The following CADM1 variants were observed in gnomAD, a reference collection of about 807,000 sequenced individuals.
CADM1 encodes TSLC-1.
In CADM1, 15 loss-of-function variants were observed where a neutral mutation model predicts 53.1. The observed-to-expected ratio is 0.28, with a 90% CI of 0.19 to 0.44. The LOEUF (loss-of-function observed/expected upper bound fraction) is 0.44, where lower values mean the gene tolerates loss of function less well. Ranked by LOEUF, CADM1 falls within the 20% of genes least tolerant of loss-of-function variation. The pLI, the probability that CADM1 is intolerant of heterozygous loss-of-function variation, is 1.00. For missense variants in CADM1, 434 were observed against 611.3 expected (o/e 0.71, Z 3.06); for synonymous variants, 281 against 243.0 (o/e 1.16, Z -1.45).
At chr11:115,493,540 CA>C (rs1027988828) in intron 1 of CADM1, among the ~76,000 whole-genome samples, 3 of 152,102 alleles carry the variant, frequency 2.0e-5, no homozygotes, top group Non-Finnish European at 4.4e-5. Flanking sequence ...TATGTATACA[CA>C]AGGTTACTTA....
At chr11:115,267,039 A>T (rs895372726) in intron 1 of CADM1, among the ~76,000 whole-genome samples, 9 of 152,186 alleles carry the variant, frequency 5.9e-5, no homozygotes, top group African/African-American at 2.4e-5. Context: ...ACAATTATGC[A>T]CTGCAGCAAT....
At chr11:115,450,527 C>T (rs1428627819) in intron 1 of CADM1, among the ~76,000 whole-genome samples, 1 of 152,230 alleles carries the variant, frequency 6.6e-6, no homozygotes, top group Admixed American at 6.5e-5. Flanking sequence ...ATGCGGAAAG[C>T]AGCCAATTCA....
At chr11:115,482,998 C>A (rs954697014) in intron 1 of CADM1, among the ~76,000 whole-genome samples, 50 of 152,208 alleles carry the variant, frequency 3.3e-4, no homozygotes, top group Non-Finnish European at 7.3e-5. Context: ...TTATTTCATA[C>A]TTTTCCCTCT....
At chr11:115,215,401 T>C (rs1249692161) in intron 6 of CADM1, among the ~76,000 whole-genome samples, 1 of 152,194 alleles carries the variant, frequency 6.6e-6, no homozygotes, top group African/African-American at 2.4e-5. Flanking sequence ...CTGTCTCTGA[T>C]GCCCTAGTCC....
intron 1 of CADM1, among the ~76,000 whole-genome samples, chr11:115,327,230 T>C (rs2135202754): frequency 6.6e-6 from 1 of 152,196 alleles, no homozygotes; most frequent in South Asian, 2.1e-4. Context: ...AGGGGTTAGG[T>C]GACTTACTTG....
At chr11:115,357,959 T>G (rs1339108729) in intron 1 of CADM1, among the ~76,000 whole-genome samples, 1 of 152,166 alleles carries the variant, frequency 6.6e-6, no homozygotes, top group Non-Finnish European at 1.5e-5. Flanking sequence ...GATTATAATG[T>G]GGTAATTGCC....
At chr11:115,485,266 C>A (rs1239661625) in intron 1 of CADM1, among the ~76,000 whole-genome samples, 2 of 152,216 alleles carry the variant, frequency 1.3e-5, no homozygotes, top group African/African-American at 2.4e-5. Context: ...GTTACCAACA[C>A]ACCTTCCTTA....
intron 1 of CADM1, among the ~76,000 whole-genome samples, chr11:115,377,020 A>C (rs1388996303): frequency 6.6e-6 from 1 of 152,228 alleles, no homozygotes; most frequent in African/African-American, 2.4e-5. Context: ...TACAAATGTC[A>C]TGCGCCATGA....
chr11:115,329,815 C>T (rs1261090478), intron 1 of CADM1, among the ~76,000 whole-genome samples: 2 of 151,578 alleles, frequency 1.3e-5, no homozygotes, highest in African/African-American at 4.9e-5. Flanking sequence ...GGATAGGGAG[C>T]CGGAAAGGAG....
intron 1 of CADM1, among the ~76,000 whole-genome samples, chr11:115,263,330 G>T (rs141614033): frequency 2.0e-5 from 3 of 152,222 alleles, no homozygotes; most frequent in African/African-American, 7.2e-5. Flanking sequence ...CAGTATTAAA[G>T]AATTTGTAGA....
intron 1 of CADM1, among the ~76,000 whole-genome samples, chr11:115,358,194 A>G (rs940478979): frequency 1.4e-4 from 19 of 137,622 alleles, no homozygotes; most frequent in Non-Finnish European, 6.8e-5. Context: ...TCAAGCAGTC[A>G]TTGATCCTCC....
intron 1 of CADM1, among the ~76,000 whole-genome samples, chr11:115,241,588 G>C (rs12421121): frequency 0.18 from 27,549 of 152,100 alleles, 2,774 homozygotes; most frequent in South Asian, 0.34. Flanking sequence ...AGGGCTGATG[G>C]GGGGATGAAA....
At chr11:115,299,058 G>T (rs1944152097) in intron 1 of CADM1, among the ~76,000 whole-genome samples, 1 of 152,132 alleles carries the variant, frequency 6.6e-6, no homozygotes, top group Non-Finnish European at 1.5e-5. Context: ...TCTCTTTCAA[G>T]ATATCACTAA....
chr11:115,270,174 CAA>C (rs1401725901), intron 1 of CADM1, among the ~76,000 whole-genome samples: 1 of 152,186 alleles, frequency 6.6e-6, no homozygotes, highest in Non-Finnish European at 1.5e-5. Flanking sequence ...CGCAGACACA[CAA>C]TAACAAAAGC....
chr11:115,237,278 G>T (rs1010646209), intron 3 of CADM1, among the ~76,000 whole-genome samples: 3 of 152,172 alleles, frequency 2.0e-5, no homozygotes, highest in Non-Finnish European at 4.4e-5. Flanking sequence ...AACCACAATA[G>T]TGACAAATAT....
chr11:115,304,155 C>G (rs1944304583), intron 1 of CADM1, among the ~76,000 whole-genome samples: 1 of 152,070 alleles, frequency 6.6e-6, no homozygotes, highest in African/African-American at 2.4e-5. Flanking sequence ...CATTTGTGAT[C>G]TGAGTCTCAG....
chr11:115,180,816 T>G (rs970293595), intron 10 of CADM1, among the ~76,000 whole-genome samples: 15 of 152,234 alleles, frequency 9.9e-5, no homozygotes, highest in African/African-American at 3.4e-4. Flanking sequence ...AAGTTGTGTT[T>G]TCCTTAGGGA....
chr11:115,471,517 C>CT lies in CADM1; in HGVS notation c.124+32753dup, dbSNP rs796870078. Among the ~76,000 whole-genome samples the CT allele has an allele frequency of 1.7e-4, 26 of 152,292 alleles. 1 individual carries two copies. The highest frequency in any genetic ancestry group is 5.1e-4 in the African/African-American group (21 of 41,580). ...AGGTAGGGCTACTCAGCCTTTCACA[C>CT]TGAGTATGTGAATCTGGGTTTACAC... On this transcript the variant is annotated intron_variant, in intron 1 of 11. Coordinates refer to ENST00000331581, the MANE Select transcript of CADM1 (RefSeq NM_001301043.2).
intron 1 of CADM1, among the ~76,000 whole-genome samples, chr11:115,391,179 A>T (rs1426151400): frequency 6.6e-6 from 1 of 152,270 alleles, no homozygotes; most frequent in Non-Finnish European, 1.5e-5. Context: ...AACTATAAAA[A>T]AAATGAGTAC....
Sources: allele counts gnomAD v4.1 joint callset (sites outside exome capture counted in the v4.1 genomes callset), GRCh38; gene constraint gnomAD v4.1.1; transcripts MANE v1.5; gene names NCBI Gene and HGNC (gene_info 2026-07-23, HGNC 2026-07-21).